Variants in IMMP2L observed in about 807,000 individuals in gnomAD.
The protein encoded by IMMP2L is inner mitochondrial membrane peptidase subunit 2.
In IMMP2L, 18 loss-of-function variants were observed where a neutral mutation model predicts 19.3. The ratio of observed to expected loss-of-function variants is 0.93; its 90% CI spans 0.64 to 1.38. The LOEUF is 1.38. Ranked by LOEUF, IMMP2L falls within the 40% of genes most tolerant of loss-of-function variation. The probability of loss-of-function intolerance (pLI) is 0.00; values close to 1 mark genes in which losing one functional copy is unlikely to be tolerated. For synonymous variants in IMMP2L, 76 were observed against 73.0 expected, an observed-to-expected ratio of 1.04 and a Z score of -0.21; for missense variants, 233 against 218.2, an observed-to-expected ratio of 1.07 and a Z score of -0.43.
At chr7:111,250,643 A>T (rs1815996814) in intron 3 of IMMP2L, among the ~76,000 whole-genome samples, 1 of 152,182 alleles carries the variant, frequency 6.6e-6, no homozygotes, top group African/African-American at 2.4e-5. Flanking sequence ...GACAAAAACA[A>T]GCAATGGGGA....
chr7:111,555,314 A>G (rs549313524), intron 1 of IMMP2L, among the ~76,000 whole-genome samples: 37 of 152,296 alleles, frequency 2.4e-4, no homozygotes, highest in Admixed American at 4.6e-4. Flanking sequence ...AGACGTAGTG[A>G]GAGCAAGACA....
intron 3 of IMMP2L, among the ~76,000 whole-genome samples, chr7:111,209,752 T>G (rs1205603729): frequency 1.3e-5 from 2 of 152,174 alleles, no homozygotes; most frequent in African/African-American, 4.8e-5. Flanking sequence ...TAACTCTTCT[T>G]TGTTACTCTT....
chr7:111,157,191 G>A (rs1804733871), intron 3 of IMMP2L, among the ~76,000 whole-genome samples: 1 of 152,042 alleles, frequency 6.6e-6, no homozygotes, highest in African/African-American at 2.4e-5. Context: ...ACTAAAAATA[G>A]AACTACCATA....
chr7:110,735,188 T>A (rs1360419624), intron 5 of IMMP2L, among the ~76,000 whole-genome samples: 1 of 152,180 alleles, frequency 6.6e-6, no homozygotes, highest in East Asian at 1.9e-4. Flanking sequence ...TAACTCAAGC[T>A]GAGCCTGCAT....
intron 5 of IMMP2L, among the ~76,000 whole-genome samples, chr7:110,765,824 AG>A (rs553666120): frequency 2.6e-4 from 40 of 152,300 alleles, no homozygotes; most frequent in Middle Eastern, 3.4e-3. Context: ...TTTATTAAAT[AG>A]AAATTTAACA....
intron 5 of IMMP2L, among the ~76,000 whole-genome samples, chr7:110,696,952 G>A (rs528657093): frequency 3.9e-5 from 6 of 152,236 alleles, no homozygotes; most frequent in Admixed American, 2.6e-4. Context: ...CAGCAATAAA[G>A]CCTGAGGAGA....
intron 3 of IMMP2L, among the ~76,000 whole-genome samples, chr7:111,379,381 A>G (rs762053954): frequency 1.3e-5 from 2 of 151,808 alleles, no homozygotes; most frequent in Non-Finnish European, 2.9e-5. Flanking sequence ...ATGCAAGATA[A>G]TAGTTGTTAC....
intron 5 of IMMP2L, among the ~76,000 whole-genome samples, chr7:110,814,723 A>G (rs985638423): frequency 6.7e-6 from 1 of 149,084 alleles, no homozygotes; most frequent in Non-Finnish European, 1.5e-5. Flanking sequence ...ATATATGTAT[A>G]TATATAAAAT....
intron 3 of IMMP2L, among the ~76,000 whole-genome samples, chr7:111,138,049 C>G (rs1586519014): frequency 6.6e-6 from 1 of 152,086 alleles, no homozygotes; most frequent in African/African-American, 2.4e-5. Flanking sequence ...AGGCTGGTCT[C>G]GAGCTCCTGA....
intron 3 of IMMP2L, among the ~76,000 whole-genome samples, chr7:111,163,097 T>C (rs972624172): frequency 6.6e-6 from 1 of 152,036 alleles, no homozygotes; most frequent in East Asian, 1.9e-4. Flanking sequence ...TACCCCAAAC[T>C]GTTTCCTCAA....
intron 3 of IMMP2L, among the ~76,000 whole-genome samples, chr7:111,376,021 C>T (rs922573817): frequency 6.6e-6 from 1 of 152,028 alleles, no homozygotes; most frequent in Non-Finnish European, 1.5e-5. Context: ...TTAAAATGAC[C>T]TGGATTCAAA....
chr7:111,466,239 C>T (rs1030783943), intron 3 of IMMP2L, among the ~76,000 whole-genome samples: 5 of 151,980 alleles, frequency 3.3e-5, no homozygotes, highest in African/African-American at 4.8e-5. Flanking sequence ...GACAAGTTAA[C>T]GTTAAATGAC....
intron 5 of IMMP2L, among the ~76,000 whole-genome samples, chr7:110,800,833 G>T (rs200688724): frequency 6.6e-6 from 1 of 151,976 alleles, no homozygotes; most frequent in Non-Finnish European, 1.5e-5. Context: ...TCTTTACAGG[G>T]TACATTTGGT....
intron 3 of IMMP2L, among the ~76,000 whole-genome samples, chr7:111,163,550 G>A (rs1805494993): frequency 6.6e-6 from 1 of 152,118 alleles, no homozygotes; most frequent in Non-Finnish European, 1.5e-5. Context: ...TCATCTGTAT[G>A]TCTCTGCCTT....
intron 3 of IMMP2L, among the ~76,000 whole-genome samples, chr7:111,460,660 T>C (rs931988801): frequency 2.0e-5 from 3 of 152,028 alleles, no homozygotes; most frequent in African/African-American, 4.8e-5. Context: ...ATATTATTTG[T>C]CCTTATAATT....
chr7:110,999,174 C>G (rs1338370693), intron 3 of IMMP2L, among the ~76,000 whole-genome samples: 1 of 151,952 alleles, frequency 6.6e-6, no homozygotes, highest in Non-Finnish European at 1.5e-5. Flanking sequence ...ATAATCTCAT[C>G]TTTATCCTTG....
chr7:110,700,647 C>A (rs1304844244), intron 5 of IMMP2L, among the ~76,000 whole-genome samples: 1 of 152,186 alleles, frequency 6.6e-6, no homozygotes, highest in Non-Finnish European at 1.5e-5. Flanking sequence ...TTATCAGAAG[C>A]TCTCCAGTGT....
chr7:111,556,286 A>C (rs554805274), intron 1 of IMMP2L, among the ~76,000 whole-genome samples: 1 of 151,982 alleles, frequency 6.6e-6, no homozygotes, highest in East Asian at 1.9e-4. Context: ...ACTTTTGCTA[A>C]ATGAGTAGAT....
intron 4 of IMMP2L, among the ~76,000 whole-genome samples, chr7:110,890,490 TATG>T (rs1354330161): frequency 1.3e-5 from 2 of 152,174 alleles, no homozygotes; most frequent in African/African-American, 4.8e-5. Flanking sequence ...CTTTAAAAAA[TATG>T]ATGTTAAAAT....
Sources: gnomAD v4.1 joint callset for allele counts (sites outside exome capture counted in the v4.1 genomes callset) on GRCh38, gnomAD v4.1.1 for gene constraint, MANE v1.5 for transcripts, NCBI Gene and HGNC (gene_info 2026-07-23, HGNC 2026-07-21) for gene names.